The following CNKSR3 variants were observed in gnomAD, a reference collection of about 807,000 sequenced individuals.
CNKSR3 encodes CNKSR family member 3.
A neutral mutation model predicts 67.7 loss-of-function variants in CNKSR3; 36 were observed. The observed-to-expected ratio is 0.53, with a 90% confidence interval of 0.41 to 0.70. The LOEUF is 0.70. Among genes scored for constraint, CNKSR3 ranks in the 30% least tolerant of loss-of-function variants. CNKSR3 has a pLI of 0.00. For missense variants in CNKSR3, 630 were observed against 695.2 expected (o/e 0.91, Z 1.05); for synonymous variants, 281 against 271.4 (o/e 1.04, Z -0.35).
chr6:154,431,090 C>T (rs948150371), intron 5 of CNKSR3, among the ~76,000 whole-genome samples: 1 of 151,988 alleles, frequency 6.6e-6, no homozygotes, highest in African/African-American at 2.4e-5. Context: ...CACCACCAGC[C>T]TCCATTCCCA....
At chr6:154,422,757 G>C in intron 8 of CNKSR3, 105 bp from the exon 9 acceptor site, 1 of 1,314,392 alleles carries the variant, frequency 7.6e-7, no homozygotes. Flanking sequence ...CAGATACATA[G>C]AAACAAAATA....
intron 1 of CNKSR3, among the ~76,000 whole-genome samples, chr6:154,465,981 A>G (rs117793638): frequency 0.016 from 2,431 of 152,328 alleles, 54 homozygotes; most frequent in Non-Finnish European, 0.019. Flanking sequence ...CCAGGCTGGT[A>G]GTGACCTAAG....
chr6:154,416,584 C>T (rs939336180), intron 9 of CNKSR3, among the ~76,000 whole-genome samples: 1 of 152,080 alleles, frequency 6.6e-6, no homozygotes, highest in African/African-American at 2.4e-5. Flanking sequence ...TCTCATTTCC[C>T]AGGAGTGTGG....
chr6:154,479,422 C>T (rs1786521837), intron 1 of CNKSR3, among the ~76,000 whole-genome samples: 1 of 152,064 alleles, frequency 6.6e-6, no homozygotes, highest in South Asian at 2.1e-4. Context: ...GACAGCTGGC[C>T]CTCCTCAAGC....
intron 1 of CNKSR3, among the ~76,000 whole-genome samples, chr6:154,504,363 A>G (rs1787055981): frequency 6.6e-6 from 1 of 152,234 alleles, no homozygotes; most frequent in Admixed American, 6.5e-5. Context: ...ACACCTTATG[A>G]AAGACTTCAC....
intron 2 of CNKSR3, among the ~76,000 whole-genome samples, chr6:154,447,084 G>A (rs539883257): frequency 1.3e-5 from 2 of 152,152 alleles, no homozygotes; most frequent in East Asian, 1.9e-4. Context: ...GATTACAGGC[G>A]TGATGGGATT....
intron 1 of CNKSR3, among the ~76,000 whole-genome samples, chr6:154,500,690 T>A (rs533130312): frequency 6.6e-6 from 1 of 152,336 alleles, no homozygotes; most frequent in South Asian, 2.1e-4. Context: ...AAGCAAACAT[T>A]AGGATAGTCT....
chr6:154,428,621 G>T (rs1360315835), intron 6 of CNKSR3, among the ~76,000 whole-genome samples: 1 of 152,126 alleles, frequency 6.6e-6, no homozygotes, highest in Admixed American at 6.5e-5. Flanking sequence ...GGGCTCAAGT[G>T]ATCCTCTCAC....
At chr6:154,465,140 C>CTA (rs1786169012) in intron 1 of CNKSR3, among the ~76,000 whole-genome samples, 1 of 69,076 alleles carries the variant, frequency 1.4e-5, no homozygotes, top group Non-Finnish European at 2.7e-5. Context: ...GATTCTGTCT[C>CTA]AAAAAAAAAA....
intron 1 of CNKSR3, among the ~76,000 whole-genome samples, chr6:154,486,169 A>C (rs73794116): frequency 1.3e-5 from 2 of 152,188 alleles, no homozygotes; most frequent in Non-Finnish European, 2.9e-5. Flanking sequence ...CAATATCGCC[A>C]GCCCTCAGGT....
chr6:154,441,325 C>T lies in CNKSR3; in HGVS notation c.474G>A (p.Gln158=). 1 of 1,612,284 alleles carries T rather than the reference C, an allele frequency of 6.2e-7. No homozygotes were observed. Among genetic ancestry groups the T allele is most frequent in the Non-Finnish European group, 8.5e-7 (1 of 1,179,480 alleles). The change falls in exon 4 of 13, where the codon CAG becomes CAA. Residue 158 remains glutamine (Q), a synonymous_variant. Coordinates refer to ENST00000607772, the MANE Select transcript of CNKSR3 (RefSeq NM_173515.4). ...DFSVTKNKII[Q]LCLDLTTTVQ... ...CTGTAGTGGTCAGGTCCAAGCAAAGCTGGATAATTTTGTTCTTCGTGACTG... is the reference window on the plus strand; with the variant it reads ...CTGTAGTGGTCAGGTCCAAGCAAAGTTGGATAATTTTGTTCTTCGTGACTG...
chr6:154,477,175 A>G (rs1440011883), intron 1 of CNKSR3, among the ~76,000 whole-genome samples: 1 of 152,176 alleles, frequency 6.6e-6, no homozygotes, highest in African/African-American at 2.4e-5. Context: ...AAAAAAGACA[A>G]TTCCTTCAGA....
In CNKSR3 at chr6:154,487,878, A is replaced by G. The variant is rs141998800; in HGVS notation, c.52+22185T>C. On this transcript the variant is annotated intron_variant, in intron 1 of 12. Coordinates refer to ENST00000607772, the MANE Select transcript of CNKSR3 (RefSeq NM_173515.4). ...TTATTGCCAGGGCCCTAATTTGAAC[A>G]AACAGATGCCATCCTTGACCATCTC... 9.4e-4 allele frequency among the ~76,000 whole-genome samples: 143 copies of G among 152,330 alleles called. 1 individual carries two copies. In the Middle Eastern group the frequency reaches 0.014, roughly 14 times the overall value.
intron 1 of CNKSR3, among the ~76,000 whole-genome samples, chr6:154,504,464 T>C (rs1273970056): frequency 6.6e-6 from 1 of 152,126 alleles, no homozygotes; most frequent in African/African-American, 2.4e-5. Context: ...ATGGAGAGCT[T>C]ACATAAGATC....
intron 1 of CNKSR3, among the ~76,000 whole-genome samples, chr6:154,470,346 T>C (rs1345698723): frequency 6.6e-6 from 1 of 151,898 alleles, no homozygotes; most frequent in East Asian, 1.9e-4. Flanking sequence ...GGACTACAGA[T>C]GCAAGCTACC....
intron 5 of CNKSR3, among the ~76,000 whole-genome samples, 163 bp from the exon 6 acceptor site, chr6:154,430,754 A>G (rs926255525): frequency 2.0e-5 from 3 of 152,186 alleles, no homozygotes; most frequent in African/African-American, 7.2e-5. Flanking sequence ...CTCCATGTTT[A>G]CCATCTGTGG....
intron 9 of CNKSR3, among the ~76,000 whole-genome samples, chr6:154,422,049 A>G (rs1306647547): frequency 3.4e-5 from 5 of 146,824 alleles, no homozygotes; most frequent in Admixed American, 6.9e-5. Flanking sequence ...CTGGAGTGCA[A>G]TGGCACGATC....
chr6:154,409,441 T>C (rs2128710837), intron 12 of CNKSR3, among the ~76,000 whole-genome samples: 1 of 152,252 alleles, frequency 6.6e-6, no homozygotes, highest in East Asian at 1.9e-4. Flanking sequence ...CACAAATTTC[T>C]TTTCAAATAG....
intron 4 of CNKSR3, among the ~76,000 whole-genome samples, chr6:154,440,256 G>A (rs563707715): frequency 1.3e-5 from 2 of 152,258 alleles, no homozygotes; most frequent in South Asian, 2.1e-4. Flanking sequence ...GAAAAAGCAC[G>A]GCTTTTCAGA....
Sources: gnomAD v4.1 joint callset for allele counts (sites outside exome capture counted in the v4.1 genomes callset) on GRCh38, gnomAD v4.1.1 for gene constraint, MANE v1.5 for transcripts, NCBI Gene and HGNC (gene_info 2026-07-23, HGNC 2026-07-21) for gene names.